Variants in BRCA2 observed in about 807,000 individuals in gnomAD.
BRCA2 encodes BRCA2 DNA repair associated.
In BRCA2, 203 loss-of-function variants were observed where a neutral mutation model predicts 276.7. The ratio of observed to expected loss-of-function variants is 0.73; its 90% CI spans 0.65 to 0.82. The LOEUF is 0.82. Among genes scored for constraint, BRCA2 ranks in the 40% least tolerant of loss-of-function variants. The pLI is 0.00. For synonymous variants in BRCA2, 1,289 were observed against 1,338.4 expected (o/e 0.96, Z 0.81); for missense variants, 3,920 against 3,915.0 (o/e 1.00, Z -0.03).
chr13:32,352,592 G>A (rs1468060225), intron 13 of BRCA2, among the ~76,000 whole-genome samples: 1 of 152,182 alleles, frequency 6.6e-6, no homozygotes, highest in Non-Finnish European at 1.5e-5. Context: ...GTTAAAGATG[G>A]CATTCCAAAT....
rs2072403180 is a variant in BRCA2, at chr13:32,332,523, A to G, written c.1045A>G (p.Lys349Glu). 2 of 1,611,778 alleles carry G rather than the reference A, an allele frequency of 1.2e-6. No homozygotes were observed. The highest frequency in any genetic ancestry group is 2.7e-5 in the African/African-American group (2 of 74,908). Residue 349 changes from lysine to glutamate, a missense_variant, in exon 10 of 27, where the codon AAA becomes GAA. Coordinates refer to ENST00000380152, the MANE Select transcript of BRCA2 (RefSeq NM_000059.4). ...DECEKSKNQV[K>E]EKYSFVSEVE... ...ATGTGAAAAATCTAAAAACCAAGTG[A>G]AAGAAAAATACTCATTTGTATCTGA...
intron 19 of BRCA2, 38 bp from the exon 20 acceptor site, chr13:32,370,918 T>C: frequency 6.2e-7 from 1 of 1,612,698 alleles, no homozygotes; most frequent in South Asian, 1.1e-5. Flanking sequence ...GAATGTTATA[T>C]ATGTGACTTT....
chr13:32,390,504 T>C lies in BRCA2; in HGVS notation c.9257-4185T>C, dbSNP rs116522678. Among the ~76,000 whole-genome samples the C allele has an allele frequency of 7.2e-3, 1,104 of 152,322 alleles. 14 individuals are homozygous for C. The highest frequency in any genetic ancestry group is 0.025 in the African/African-American group (1,049 of 41,562). On this transcript the variant is annotated intron_variant, in intron 24 of 26. Coordinates refer to ENST00000380152, the MANE Select transcript of BRCA2 (RefSeq NM_000059.4). ...TGTACAAGTTCATATTCCTGATGCA[T>C]GATAACATTTAATGCTTCCTACCTT...
intron 3 of BRCA2, among the ~76,000 whole-genome samples, chr13:32,322,613 T>G (rs1245192469): frequency 6.6e-6 from 1 of 152,214 alleles, no homozygotes; most frequent in Non-Finnish European, 1.5e-5. Flanking sequence ...TTCCTTGCCC[T>G]CATTCCGGTA....
rs397507399 is a variant in BRCA2 at position 32,332,303 on chromosome 13, A to T, written c.825A>T (p.Lys275Asn). The T allele has an allele frequency of 2.4e-5, 39 of 1,605,516 alleles. No individual in the cohort carries two copies. Among genetic ancestry groups the T allele is most frequent in the Non-Finnish European group, 3.1e-5 (37 of 1,176,358 alleles). The change falls in exon 10 of 27, where the codon AAA becomes AAT. Residue 275 changes from lysine to asparagine, a missense_variant. Coordinates refer to ENST00000380152, the MANE Select transcript of BRCA2 (RefSeq NM_000059.4). ...GAAAAACATCAGGGAATTCATTTAA[A>T]GTAAATAGCTGCAAAGACCACATTG... ...GFGKTSGNSF[K>N]VNSCKDHIGK... is the part of the protein sequence containing the mutation.
rs878853577 is a variant in BRCA2, at chr13:32,338,362, T to TCATC, written c.4007_4008insCATC (p.Asp1337IlefsTer2). ...AGTAGAAATTCTCATAACTTAGAAT[T>TCATC]TGATGGCAGTGATTCAAGTAAAAAT... On this transcript the variant is annotated frameshift_variant, in exon 11 of 27. Coordinates refer to ENST00000380152, the MANE Select transcript of BRCA2 (RefSeq NM_000059.4). LOFTEE classifies it high-confidence loss of function. 1 of 1,587,206 alleles carries TCATC rather than the reference T, an allele frequency of 6.3e-7. No homozygotes were observed. Among genetic ancestry groups the TCATC allele is most frequent in the Non-Finnish European group, 8.6e-7 (1 of 1,169,278 alleles).
intron 18 of BRCA2, among the ~76,000 whole-genome samples, chr13:32,369,331 C>T (rs757409646): frequency 3.3e-5 from 5 of 152,014 alleles, no homozygotes; most frequent in African/African-American, 1.2e-4. Flanking sequence ...GTTTCAACTA[C>T]GTTTGTACAA....
chr13:32,359,413 T>G (rs1400030174), intron 16 of BRCA2, among the ~76,000 whole-genome samples: 1 of 152,064 alleles, frequency 6.6e-6, no homozygotes, highest in East Asian at 1.9e-4. Context: ...ATCTCAGAGC[T>G]CTAAAACAGC....
chr13:32,350,338 T>A (rs2072638976), intron 13 of BRCA2, among the ~76,000 whole-genome samples: 1 of 152,178 alleles, frequency 6.6e-6, no homozygotes, highest in African/African-American at 2.4e-5. Flanking sequence ...AAAAGAGGTT[T>A]ATATATATAG....
intron 14 of BRCA2, 85 bp from the exon 15 acceptor site, chr13:32,356,343 T>G: frequency 7.3e-7 from 1 of 1,378,550 alleles, no homozygotes; most frequent in Non-Finnish European, 1.0e-6. Flanking sequence ...GTGCTGGGAT[T>G]ACAGGCGTGA....
chr13:32,375,993 C>T (rs1209150122), intron 20 of BRCA2, among the ~76,000 whole-genome samples: 1 of 152,128 alleles, frequency 6.6e-6, no homozygotes, highest in Non-Finnish European at 1.5e-5. Flanking sequence ...AGCTCTGTGA[C>T]AGAGACATGA....
intron 15 of BRCA2, 26 bp from the exon 16 acceptor site, chr13:32,357,716 T>C: frequency 6.2e-7 from 1 of 1,600,070 alleles, no homozygotes; most frequent in Non-Finnish European, 8.5e-7. Context: ...TTGTTTTTCT[T>C]TTTTGTGTGT....
At chr13:32,372,665 A>G (rs938574381) in intron 20 of BRCA2, among the ~76,000 whole-genome samples, 7 of 152,166 alleles carry the variant, frequency 4.6e-5, no homozygotes, top group Non-Finnish European at 1.0e-4. Context: ...GTAGGGACAC[A>G]GAGCCAAACC....
rs876659799 is a variant in BRCA2, at chr13:32,338,232, A to C, written c.3877A>C (p.Ile1293Leu). Residue 1293 changes from isoleucine (I) to leucine (L), a missense_variant, in exon 11 of 27, where the codon ATA becomes CTA. By Grantham distance (5) the Ile-to-Leu change is conservative. This residue lies in a region of BRCA2 where 3,263 missense variants were observed against 3,156.9 expected (regional missense o/e 1.03). Transcript: ENST00000380152. ...TGAAAAAAATAATAAATGCCAACTGATATTACAAAATAATATTGAAATGAC... is the reference window on the plus strand; with the variant it reads ...TGAAAAAAATAATAAATGCCAACTGCTATTACAAAATAATATTGAAATGAC... The part of the protein sequence containing the change: ...VSEKNNKCQL[I>L]LQNNIEMTTG... The C allele has an allele frequency of 6.5e-7, 1 of 1,541,304 alleles. No individual in the cohort carries two copies. Among genetic ancestry groups the C allele is most frequent in the Non-Finnish European group, 8.8e-7 (1 of 1,142,728 alleles).
In BRCA2 at chr13:32,330,906, A is replaced by G. The variant is rs81002888; in HGVS notation, c.682-13A>G. ...GTTTTTATACTAGTGATTTTAAACT[A>G]TAATTTTTGCAGAATGTGAAAAGCT... On this transcript the variant is annotated splice_polypyrimidine_tract_variant and intron_variant, in intron 8 of 26. Transcript: ENST00000380152. 7.9e-6 allele frequency: 12 copies of G among 1,519,260 alleles called. No individual in the cohort carries two copies. Among genetic ancestry groups the G allele is most frequent in the Non-Finnish European group, 9.1e-6 (10 of 1,095,534 alleles). The allele number at this position is 1,519,260 out of a possible 1,614,324, so 94.1% of individuals were successfully genotyped here.
At chr13:32,376,815 A>C (rs1036290002) in intron 21 of BRCA2, 24 bp downstream of exon 21, 1 of 1,612,834 alleles carries the variant, frequency 6.2e-7, no homozygotes, top group Non-Finnish European at 8.5e-7. Context: ...AGGACATATA[A>C]TGAGGCTTGA....
intron 2 of BRCA2, among the ~76,000 whole-genome samples, chr13:32,318,537 G>A (rs921008328): frequency 6.6e-6 from 1 of 152,054 alleles, no homozygotes; most frequent in Non-Finnish European, 1.5e-5. Context: ...CGCCTCCTGG[G>A]TTCAAGTGAT....
chr13:32,336,475 A>T lies in BRCA2; in HGVS notation c.2120A>T (p.Asp707Val), dbSNP rs1232197541. 2 of 1,614,114 alleles carry T rather than the reference A, an allele frequency of 1.2e-6. No homozygotes were observed. Among genetic ancestry groups the T allele is most frequent in the South Asian group, 2.2e-5 (2 of 91,086 alleles). ...KLQLFITPEA[D>V]SLSCLQEGQC... ...CAGTTATTTATTACCCCAGAAGCTG[A>T]TTCTCTGTCATGCCTGCAGGAAGGA... Residue 707 changes from aspartate (D) to valine (V), a missense_variant, in exon 11 of 27, where the codon GAT (aspartate) becomes GTT (valine). By Grantham distance (152) the Asp-to-Val change is radical. Transcript: ENST00000380152.
At chr13:32,375,734 A>G (rs943510108) in intron 20 of BRCA2, among the ~76,000 whole-genome samples, 5 of 151,888 alleles carry the variant, frequency 3.3e-5, no homozygotes, top group African/African-American at 1.2e-4. Flanking sequence ...CTAATTTTGT[A>G]TTTTTAGTAG....
Sources: gnomAD v4.1 joint callset for allele counts (sites outside exome capture counted in the v4.1 genomes callset) on GRCh38, gnomAD v4.1.1 for gene constraint, gnomAD v4.1.1 regional missense constraint, MANE v1.5 for transcripts, NCBI Gene and HGNC (gene_info 2026-07-23, HGNC 2026-07-21) for gene names.